The following PIF1 variants were observed in gnomAD, a reference collection of about 807,000 sequenced individuals.
PIF1 encodes the protein PIF1 5'-to-3' DNA helicase, also known as ATP-dependent DNA helicase PIF1.
PIF1 carries 67 observed loss-of-function variants against 62.3 expected under a neutral mutation model. The observed-to-expected ratio is 1.08, with a 90% CI of 0.88 to 1.32. The LOEUF (loss-of-function observed/expected upper bound fraction) is 1.32, where lower values mean the gene tolerates loss of function less well. PIF1 is among the 40% of genes most tolerant of loss of function. The pLI is 0.00. For missense variants in PIF1, 886 were observed against 866.1 expected, an observed-to-expected ratio of 1.02 and a Z score of -0.29; for synonymous variants, 364 against 379.5, an observed-to-expected ratio of 0.96 and a Z score of 0.47.
chr15:64,816,056 A>G lies in PIF1; in HGVS notation c.*242T>C, dbSNP rs2084175877. On this transcript the variant is annotated 3_prime_UTR_variant, in exon 13 of 13. Coordinates refer to ENST00000559239, the MANE Select transcript of PIF1 (RefSeq NM_001286496.2). ...CAGGCTCATTCTCAACTGGCACAGA[A>G]AGGGTTACTTCTGACCCTACAGCAG... 6.8e-7 allele frequency: 1 copy of G among 1,461,398 alleles called. No individual in the cohort carries two copies. Among genetic ancestry groups the G allele is most frequent in the African/African-American group, 1.4e-5 (1 of 70,414 alleles). The allele number at this position is 1,461,398 out of a possible 1,614,324, so 90.5% of individuals were successfully genotyped here.
At chr15:64,818,988 G>A in intron 9 of PIF1, 129 bp downstream of exon 9, 1 of 551,366 alleles carries the variant, frequency 1.8e-6, no homozygotes, top group Non-Finnish European at 3.1e-6. Context: ...ACAGGAGGCA[G>A]GGAGGTTTTC....
At chr15:64,826,677 CACATATAT>C (rs1224150339), upstream of PIF1, among the ~76,000 whole-genome samples, 3 of 89,348 alleles carry the variant, frequency 3.4e-5, no homozygotes, top group African/African-American at 1.1e-4. Context: ...CACACACACA[CACATATAT>C]ACACACACAT....
In PIF1 at chr15:64,821,176, G is replaced by C. The variant is rs1302628454; in HGVS notation, c.1077C>G (p.Phe359Leu). The change falls in exon 6 of 13, where the codon TTC (phenylalanine) becomes TTG (leucine). Residue 359 changes from phenylalanine to leucine, a missense_variant. Phe to Leu is a conservative substitution (Grantham distance 22). Transcript: ENST00000559239. ...PVTKGSQPPR[F>L]CFQSKSWKRC... ...AGGAGGTGAGTAATACCTGGAAGCAGAACCGTGGGGGCTGGGAGCCCTTGG... is the reference window on the plus strand; with the variant it reads ...AGGAGGTGAGTAATACCTGGAAGCACAACCGTGGGGGCTGGGAGCCCTTGG... 7 of 1,614,084 alleles carry C rather than the reference G, an allele frequency of 4.3e-6. No homozygotes were observed. Among genetic ancestry groups the C allele is most frequent in the Non-Finnish European group, 5.9e-6 (7 of 1,180,048 alleles).
Position 64,822,387 on chromosome 15 carries a change from T to C in PIF1, c.696A>G (p.Thr232=), listed in dbSNP as rs2084303095. Residue 232 remains threonine, a synonymous_variant, in exon 4 of 13, where the codon ACA becomes ACG. Coordinates refer to ENST00000559239, the MANE Select transcript of PIF1 (RefSeq NM_001286496.2). ...QSIFFTGSAG[T]GKSYLLKRIL... is the part of the protein sequence containing the mutation. Reference sequence around the variant, plus strand: ...TTCGCTTTAGCAGATATGACTTCCCTGTTCCTGGACAGGGGCAAAGTTAGA... The same window carrying C: ...TTCGCTTTAGCAGATATGACTTCCCCGTTCCTGGACAGGGGCAAAGTTAGA... 1.2e-6 allele frequency: 2 copies of C among 1,614,012 alleles called. No homozygotes were observed. Among genetic ancestry groups the C allele is most frequent in the African/African-American group, 2.7e-5 (2 of 74,928 alleles).
In PIF1 at chr15:64,815,868, C is replaced by G; in HGVS notation, c.*430G>C. 6.4e-7 allele frequency: 1 copy of G among 1,550,610 alleles called. No homozygotes were observed. Among genetic ancestry groups the G allele is most frequent in the South Asian group, 1.2e-5 (1 of 84,066 alleles). ...TTCTCTGTTTGGAGGCTGCACCCAGCCTGAGTCCCCACCAGTCCCCTCCAA... is the reference window on the plus strand; with the variant it reads ...TTCTCTGTTTGGAGGCTGCACCCAGGCTGAGTCCCCACCAGTCCCCTCCAA... On this transcript the variant is annotated 3_prime_UTR_variant, in exon 13 of 13. Coordinates refer to ENST00000559239, the MANE Select transcript of PIF1 (RefSeq NM_001286496.2).
In PIF1 at chr15:64,822,500, G is replaced by T; in HGVS notation, c.669C>A (p.Ser223Arg). 1.2e-6 allele frequency: 2 copies of T among 1,613,850 alleles called. No homozygotes were observed. The highest frequency in any genetic ancestry group is 1.7e-6 in the Non-Finnish European group (2 of 1,179,988). Residue 223 changes from serine (S) to arginine (R), a missense_variant, in exon 3 of 13, where the codon AGC becomes AGA. Physicochemically the swap from Ser to Arg is moderately radical, Grantham distance 110 (BLOSUM62 -1). Coordinates refer to ENST00000559239, the MANE Select transcript of PIF1 (RefSeq NM_001286496.2). ...TACCTGCACTCCCAGTGAAGAAGAT[G>T]CTCTGGCCTTTCAGGACGGCCCTCA... ...AVLRAVLKGQSIFFTGSAGTG... is the reference protein window; with the variant it reads ...AVLRAVLKGQRIFFTGSAGTG...
Position 64,822,340 on chromosome 15 carries a change from G to A in PIF1, c.743C>T (p.Thr248Ile). ...LKRILGSLPP[T>I]GTVATASTGV... Reference sequence around the variant, plus strand: ...AGTGCTGGCAGTGGCCACAGTGCCTGTGGGGGGCAGTGAGCCCAGGATTCG... The same window carrying A: ...AGTGCTGGCAGTGGCCACAGTGCCTATGGGGGGCAGTGAGCCCAGGATTCG... The change falls in exon 4 of 13, where the codon ACA becomes ATA. Residue 248 changes from threonine (T) to isoleucine (I), a missense_variant. Thr to Ile is a moderately conservative substitution (Grantham distance 89, BLOSUM62 -1). Transcript: ENST00000559239. The A allele has an allele frequency of 6.2e-7, 1 of 1,614,010 alleles. No individual in the cohort carries two copies. The highest frequency in any genetic ancestry group is 8.5e-7 in the Non-Finnish European group (1 of 1,179,970).
Position 64,822,326 on chromosome 15 carries a change from T to C in PIF1, c.757A>G (p.Thr253Ala). ...CAGGCTGCCACCCCAGTGCTGGCAGTGGCCACAGTGCCTGTGGGGGGCAGT... is the reference window on the plus strand; with the variant it reads ...CAGGCTGCCACCCCAGTGCTGGCAGCGGCCACAGTGCCTGTGGGGGGCAGT... ...GSLPPTGTVA[T>A]ASTGVAACHI... Residue 253 changes from threonine (T) to alanine (A), a missense_variant, in exon 4 of 13, where the codon ACT becomes GCT. Coordinates refer to ENST00000559239, the MANE Select transcript of PIF1 (RefSeq NM_001286496.2). The C allele has an allele frequency of 6.2e-7, 1 of 1,613,122 alleles. No homozygotes were observed. The highest frequency in any genetic ancestry group is 1.7e-5 in the Admixed American group (1 of 59,970).
In PIF1 at chr15:64,825,638, G is replaced by C. The variant is rs2084358578; in HGVS notation, c.-89C>G. 1 of 152,168 alleles carries C rather than the reference G, an allele frequency of 6.6e-6. No homozygotes were observed. The highest frequency in any genetic ancestry group is 2.4e-5 in the African/African-American group (1 of 41,438). The allele number at this position is 152,168 out of a possible 1,614,324, so 9.4% of individuals were successfully genotyped here. A position where few individuals can be genotyped will look rare whatever the true frequency, so the allele number is the denominator to read the frequency against. On this transcript the variant is annotated 5_prime_UTR_variant, in exon 1 of 13. Transcript: ENST00000559239. ...ACAAGCAGATCGTAGCCGGCCTGTGGCTAAGCTCCGAAACTAGAAATTTTT... is the reference window on the plus strand; with the variant it reads ...ACAAGCAGATCGTAGCCGGCCTGTGCCTAAGCTCCGAAACTAGAAATTTTT...
chr15:64,819,276 G>C, intron 8 of PIF1, 53 bp from the exon 9 acceptor site: 1 of 1,225,314 alleles, frequency 8.2e-7, no homozygotes, highest in Non-Finnish European at 1.2e-6. Flanking sequence ...TTGTGACTCA[G>C]CATCCCAAAA....
At chr15:64,826,572 T>A (rs910128679), upstream of PIF1, among the ~76,000 whole-genome samples, 2 of 134,476 alleles carry the variant, frequency 1.5e-5, no homozygotes, top group Non-Finnish European at 1.6e-5. Flanking sequence ...CTGGTGATCC[T>A]CCCGCCTCAG....
Position 64,821,067 on chromosome 15 carries a change from CACA to C in PIF1, c.1105_1107del (p.Cys369del). ...TTGGTCAGCTCCAGGGTCACTGGCA[CACA>C]CCTCTTCCAGCTCTTGGACTGGTGG... is the stretch of plus-strand genomic sequence containing the variant. On this transcript the variant is annotated inframe_deletion, in exon 7 of 13. Coordinates refer to ENST00000559239, the MANE Select transcript of PIF1 (RefSeq NM_001286496.2). 1 of 1,614,010 alleles carries C rather than the reference CACA, an allele frequency of 6.2e-7. No individual in the cohort carries two copies. Among genetic ancestry groups the C allele is most frequent in the Non-Finnish European group, 8.5e-7 (1 of 1,179,926 alleles).
intron 2 of PIF1, 54 bp from the exon 3 acceptor site, chr15:64,822,664 C>T (rs1049473339): frequency 6.8e-6 from 11 of 1,607,172 alleles, no homozygotes; most frequent in Non-Finnish European, 9.3e-6. Flanking sequence ...GGCATTGCCC[C>T]CACCCTTCTT....
Position 64,822,273 on chromosome 15 carries a change from G to C in PIF1, c.810C>G (p.Ala270=). Residue 270 remains alanine (A), a synonymous_variant, in exon 4 of 13, where the codon GCC becomes GCG. Coordinates refer to ENST00000559239, the MANE Select transcript of PIF1 (RefSeq NM_001286496.2). ...ACHIGGTTLH[A]FAGIGSGQAP... The stretch of plus-strand genomic sequence containing the variant: ...CTAGGGGTTCCTACTTACCTGCAAA[G>C]GCATGGAGGGTGGTGCCCCCGATGT... 6.2e-7 allele frequency: 1 copy of C among 1,613,498 alleles called. No homozygotes were observed. Among genetic ancestry groups the C allele is most frequent in the Non-Finnish European group, 8.5e-7 (1 of 1,179,810 alleles).
At position 64,818,355 on chromosome 15, in the gene PIF1, G is replaced by A; in HGVS notation, c.1441-11C>T. On this transcript the variant is annotated splice_polypyrimidine_tract_variant and intron_variant, in intron 9 of 12. Coordinates refer to ENST00000559239, the MANE Select transcript of PIF1 (RefSeq NM_001286496.2). ...TTTCACCAGCATCACCTGCAAGGGAGAGAGAGGAATGGACAGCAGCCCCCC... is the reference window on the plus strand; with the variant it reads ...TTTCACCAGCATCACCTGCAAGGGAAAGAGAGGAATGGACAGCAGCCCCCC... 6.2e-7 allele frequency: 1 copy of A among 1,613,678 alleles called. No homozygotes were observed. Among genetic ancestry groups the A allele is most frequent in the South Asian group, 1.1e-5 (1 of 91,056 alleles).
At chr15:64,823,478 A>T in intron 2 of PIF1, 1 of 244,402 alleles carries the variant, frequency 4.1e-6, no homozygotes, top group Non-Finnish European at 7.8e-6. Flanking sequence ...AGAACTCCTA[A>T]CCTCAGGTGA....
rs755702143 is a variant in PIF1 at position 64,822,278 on chromosome 15, G to A, written c.805C>T (p.His269Tyr). Residue 269 changes from histidine (H) to tyrosine (Y), a missense_variant, in exon 4 of 13, where the codon CAT (histidine) becomes TAT (tyrosine). Transcript: ENST00000559239. ...GGTTCCTACTTACCTGCAAAGGCAT[G>A]GAGGGTGGTGCCCCCGATGTGGCAG... The part of the protein sequence containing the change: ...AACHIGGTTL[H>Y]AFAGIGSGQA... 2 of 1,613,562 alleles carry A rather than the reference G, an allele frequency of 1.2e-6. No homozygotes were observed. The highest frequency in any genetic ancestry group is 1.7e-6 in the Non-Finnish European group (2 of 1,179,866).
At chr15:64,818,378 C>T (rs768664346) in intron 9 of PIF1, 34 bp from the exon 10 acceptor site, 6 of 1,602,184 alleles carry the variant, frequency 3.7e-6, no homozygotes, top group Admixed American at 1.7e-5. Context: ...ACAGCAGCCC[C>T]CCTACCCATG....
chr15:64,821,966 T>C, intron 4 of PIF1: 1 of 382,262 alleles, frequency 2.6e-6, no homozygotes, highest in Non-Finnish European at 4.7e-6. Flanking sequence ...AGTCTTGATC[T>C]CCTGACCTTG....
Sources: gnomAD v4.1 joint callset for allele counts (sites outside exome capture counted in the v4.1 genomes callset) on GRCh38, gnomAD v4.1.1 for gene constraint, MANE v1.5 for transcripts, NCBI Gene and HGNC (gene_info 2026-07-23, HGNC 2026-07-21) for gene names.